RNF6: variants seen among roughly 807,000 people sequenced by gnomAD.
RNF6 encodes ring finger protein 6, also known as E3 ubiquitin-protein ligase RNF6.
Under a neutral mutation model 50.1 loss-of-function variants are expected in RNF6, and 21 were observed. The ratio of observed to expected loss-of-function variants is 0.42; its 90% confidence interval spans 0.30 to 0.60. The LOEUF (loss-of-function observed/expected upper bound fraction) is 0.60. RNF6 is among the 20% of genes least tolerant of loss of function. The probability of loss-of-function intolerance (pLI) is 0.20; values close to 1 mark genes in which losing one functional copy is unlikely to be tolerated. For missense variants in RNF6, 698 were observed against 838.2 expected, an observed-to-expected ratio of 0.83 and a Z score of 2.07; for synonymous variants, 255 against 291.8, an observed-to-expected ratio of 0.87 and a Z score of 1.29.
chr13:26,145,120 G>T (rs917043670), intron 5 of RNF6, among the ~76,000 whole-genome samples: 1 of 152,170 alleles, frequency 6.6e-6, no homozygotes, highest in African/African-American at 2.4e-5. Flanking sequence ...TTTGTCAACA[G>T]GAATGAAGGA....
In RNF6 at chr13:26,158,010, G is replaced by T. The variant is rs1027652007; in HGVS notation, n.769-25559C>A. ...AGATAGATAGATAGAAGAAGTCATT[G>T]GATGGATAAATAGATGAATAGATGG... is the stretch of plus-strand genomic sequence containing the variant. On this transcript the variant is annotated intron_variant and non_coding_transcript_variant, in intron 5 of 5. Coordinates refer to the RNF6 transcript ENST00000468480. 2.6e-5 allele frequency among the ~76,000 whole-genome samples: 4 copies of T among 151,764 alleles called. No individual in the cohort carries two copies. The East Asian group carries it at 7.8e-4, about 29-fold the overall frequency.
chr13:26,191,620 CTCTT>C (rs1435643798), intron 5 of RNF6, among the ~76,000 whole-genome samples: 7 of 152,186 alleles, frequency 4.6e-5, no homozygotes, highest in Non-Finnish European at 8.8e-5. Flanking sequence ...TCTCCTCACT[CTCTT>C]TCTCCCGCTG....
intron 5 of RNF6, among the ~76,000 whole-genome samples, chr13:26,152,521 C>G (rs1406847248): frequency 6.6e-6 from 1 of 152,210 alleles, no homozygotes. Context: ...GTATGTTACA[C>G]TCCGAGCTTT....
At chr13:26,144,503 T>C (rs978393850) in intron 5 of RNF6, among the ~76,000 whole-genome samples, 7 of 152,162 alleles carry the variant, frequency 4.6e-5, no homozygotes, top group Non-Finnish European at 8.8e-5. Context: ...ACATTGGCTA[T>C]AGTCCATGAG....
rs1869793337 is a variant in RNF6, at chr13:26,215,582, G to A, written c.300C>T (p.Val100=). 8.1e-6 allele frequency: 13 copies of A among 1,601,350 alleles called. No individual in the cohort carries two copies. The highest frequency in any genetic ancestry group is 1.1e-5 in the Non-Finnish European group (13 of 1,178,244). Residue 100 remains valine, a synonymous_variant, in exon 5 of 5, where the codon GTC becomes GTT. Coordinates refer to ENST00000381588, the MANE Select transcript of RNF6 (RefSeq NM_005977.4). Reference sequence around the variant, plus strand: ...AATCTTCATGTGAACTTTCTCTAGGGACTTCTGAGTCTAGAAAGCAAAGCA... The same window carrying A: ...AATCTTCATGTGAACTTTCTCTAGGAACTTCTGAGTCTAGAAAGCAAAGCA... ...RDGTNYRDSE[V]PRESSHEDSL... is the part of the protein sequence containing the mutation.
At chr13:26,146,942 C>T (rs1003524255) in intron 5 of RNF6, among the ~76,000 whole-genome samples, 2 of 152,070 alleles carry the variant, frequency 1.3e-5, no homozygotes, top group African/African-American at 4.8e-5. Context: ...GTTTGAAATG[C>T]ACCATGATTG....
At chr13:26,178,590 CCGTGTGTG>C (rs1403816750) in intron 5 of RNF6, among the ~76,000 whole-genome samples, 2 of 44,978 alleles carry the variant, frequency 4.4e-5, no homozygotes, top group African/African-American at 8.5e-5. Flanking sequence ...TCTGCCTGGT[CCGTGTGTG>C]TGTGTGTGTG....
At chr13:26,175,306 C>A (rs1214852865) in intron 5 of RNF6, among the ~76,000 whole-genome samples, 1 of 152,184 alleles carries the variant, frequency 6.6e-6, no homozygotes, top group Non-Finnish European at 1.5e-5. Context: ...GTCTCAAACT[C>A]CTGGCCTCAT....
intron 5 of RNF6, among the ~76,000 whole-genome samples, chr13:26,180,280 G>T (rs1346505275): frequency 6.6e-6 from 1 of 152,218 alleles, no homozygotes; most frequent in Non-Finnish European, 1.5e-5. Flanking sequence ...ATGGTCAGCA[G>T]AGTGGAACCA....
chr13:26,152,877 G>A (rs142046413), intron 5 of RNF6, among the ~76,000 whole-genome samples: 173 of 152,204 alleles, frequency 1.1e-3, no homozygotes, highest in African/African-American at 3.6e-3. Context: ...AGATGTGGCC[G>A]GGCGCGGTGG....
chr13:26,178,231 A>G (rs1206952903), intron 5 of RNF6, among the ~76,000 whole-genome samples: 1 of 152,156 alleles, frequency 6.6e-6, no homozygotes. Flanking sequence ...AGTAGCTAAT[A>G]TGCAACAGAA....
In RNF6 at chr13:26,148,235, C is replaced by T. The variant is rs1196991216; in HGVS notation, n.769-15784G>A. ...CATGAGAAGAGCATGGGGGAAACTG[C>T]CCCCATGATCCAATCACCTCCTACC... On this transcript the variant is annotated intron_variant and non_coding_transcript_variant, in intron 5 of 5. Coordinates refer to the RNF6 transcript ENST00000468480. 5.3e-5 allele frequency among the ~76,000 whole-genome samples: 8 copies of T among 152,156 alleles called. No homozygotes were observed. The East Asian group carries it at 1.4e-3, about 26-fold the overall frequency.
intron 5 of RNF6, among the ~76,000 whole-genome samples, chr13:26,142,888 A>G (rs375980023): frequency 1.3e-5 from 2 of 152,198 alleles, no homozygotes; most frequent in East Asian, 3.9e-4. Flanking sequence ...AATTAAAATC[A>G]CAATCAACAC....
At chr13:26,159,740 A>G (rs1345554323) in intron 5 of RNF6, among the ~76,000 whole-genome samples, 1 of 152,220 alleles carries the variant, frequency 6.6e-6, no homozygotes, top group Non-Finnish European at 1.5e-5. Flanking sequence ...TGAAGAGAAT[A>G]AATTAAAAAC....
chr13:26,203,076 T>G (rs1429985818), intron 5 of RNF6, among the ~76,000 whole-genome samples: 2 of 152,220 alleles, frequency 1.3e-5, no homozygotes, highest in African/African-American at 2.4e-5. Context: ...GCATAAGGCC[T>G]CCAAACCATT....
At chr13:26,143,412 T>C (rs777265481) in intron 5 of RNF6, among the ~76,000 whole-genome samples, 88 of 152,214 alleles carry the variant, frequency 5.8e-4, no homozygotes, top group Non-Finnish European at 2.1e-4. Context: ...AGTGGCCATA[T>C]GGCAGCCTAA....
At position 26,203,559 on chromosome 13, in the gene RNF6, A is replaced by G. The variant is rs925065885; in HGVS notation, n.768+11915T>C. On this transcript the variant is annotated intron_variant and non_coding_transcript_variant, in intron 5 of 5. Coordinates refer to the RNF6 transcript ENST00000468480. ...GTGACACAGTGCTCAGGCCCAGGCC[A>G]TGCTTCCCCCAGGCAGCTCCTAGCA... Among the ~76,000 whole-genome samples the G allele has an allele frequency of 2.4e-4, 37 of 152,354 alleles. 1 individual carries two copies. Among genetic ancestry groups the G allele is most frequent in the African/African-American group, 8.4e-4 (35 of 41,592 alleles).
downstream of RNF6, among the ~76,000 whole-genome samples, chr13:26,208,281 C>T (rs570700263): frequency 1.3e-5 from 2 of 152,288 alleles, no homozygotes; most frequent in Non-Finnish European, 1.5e-5. Context: ...CACTTGCTTT[C>T]CTCCTGGGAG....
chr13:26,178,848 C>G (rs1258631902), intron 5 of RNF6, among the ~76,000 whole-genome samples: 4 of 152,028 alleles, frequency 2.6e-5, no homozygotes, highest in Non-Finnish European at 5.9e-5. Flanking sequence ...TGAGTTTTGA[C>G]TATTTTAGAT....
Sources: allele counts gnomAD v4.1 joint callset (sites outside exome capture counted in the v4.1 genomes callset), GRCh38; gene constraint gnomAD v4.1.1; transcripts MANE v1.5; gene names NCBI Gene and HGNC (gene_info 2026-07-23, HGNC 2026-07-21).